The following ATP7A variants were observed in gnomAD, a reference collection of about 807,000 sequenced individuals.
The protein encoded by ATP7A is copper-transporting ATPase 1.
In ATP7A, 7 loss-of-function variants were observed where a neutral mutation model predicts 83.5. That is an observed-to-expected ratio of 0.08 (90% confidence interval 0.05 to 0.16). The LOEUF (loss-of-function observed/expected upper bound fraction) is 0.16. Among genes scored for constraint, ATP7A ranks in the 10% least tolerant of loss-of-function variants. The probability of loss-of-function intolerance (pLI) is 1.00; values close to 1 mark genes in which losing one functional copy is unlikely to be tolerated. For missense variants in ATP7A, 940 were observed against 1,120.8 expected, an observed-to-expected ratio of 0.84 and a Z score of 2.30; for synonymous variants, 354 against 395.2, an observed-to-expected ratio of 0.90 and a Z score of 1.24.
chrX:77,984,035 A>G (rs1231047359), intron 2 of ATP7A, among the ~76,000 whole-genome samples: 3 of 112,091 alleles, frequency 2.7e-5, no homozygotes, highest in African/African-American at 6.5e-5. Flanking sequence ...AATAAAAATA[A>G]CAACATTGGT....
At chrX:78,022,560 C>T (rs1378545560) in intron 14 of ATP7A, among the ~76,000 whole-genome samples, 3 of 108,638 alleles carry the variant, frequency 2.8e-5, no homozygotes, top group East Asian at 5.7e-4. Flanking sequence ...CTCTGTTGCC[C>T]AGGCTGGAGT....
chrX:78,040,815 T>A, intron 19 of ATP7A, 82 bp downstream of exon 19: 1 of 1,081,018 alleles, frequency 9.3e-7, no homozygotes, highest in Non-Finnish European at 1.3e-6. Context: ...AAATTTACAT[T>A]ACCTACTATT....
intron 1 of ATP7A, among the ~76,000 whole-genome samples, chrX:77,946,296 T>C (rs2077378633): frequency 9.9e-6 from 1 of 101,437 alleles, no homozygotes; most frequent in East Asian, 3.0e-4. Flanking sequence ...CGAGACTCTG[T>C]CTCAAAAAAA....
chrX:77,931,970 G>T (rs1397123268), intron 1 of ATP7A, among the ~76,000 whole-genome samples: 2 of 104,130 alleles, frequency 1.9e-5, no homozygotes, highest in African/African-American at 7.1e-5. Context: ...CCTCCCTCCC[G>T]GACGGGGCGG....
chrX:78,011,874 A>T, intron 9 of ATP7A, 200 bp downstream of exon 9: 1 of 473,760 alleles, frequency 2.1e-6, no homozygotes, highest in South Asian at 2.9e-5. Flanking sequence ...GAAAGAGTTC[A>T]AGTTTTTTGG....
chrX:77,917,103 T>C (rs1557222615), intron 1 of ATP7A, among the ~76,000 whole-genome samples: 1 of 111,575 alleles, frequency 9.0e-6, no homozygotes, highest in African/African-American at 3.3e-5. Flanking sequence ...AGTGAAGTAA[T>C]AGAACTTAAA....
At chrX:77,999,714 GC>G (rs782540095) in intron 5 of ATP7A, among the ~76,000 whole-genome samples, 167 of 110,975 alleles carry the variant, frequency 1.5e-3, no homozygotes, top group Non-Finnish European at 2.8e-3. Context: ...GACCAGCCGG[GC>G]CAACATGGTG....
chrX:77,937,908 C>G (rs1271415392), intron 1 of ATP7A, among the ~76,000 whole-genome samples: 1 of 108,108 alleles, frequency 9.3e-6, no homozygotes, highest in Non-Finnish European at 1.9e-5. Context: ...CACACACACA[C>G]ACATACACAC....
chrX:77,989,042 A>G (rs1331383693), intron 3 of ATP7A, among the ~76,000 whole-genome samples, 191 bp from the exon 4 acceptor site: 1 of 111,373 alleles, frequency 9.0e-6, no homozygotes, highest in Non-Finnish European at 1.9e-5. Flanking sequence ...GACCATAGCT[A>G]CAGTGGTCAT....
At chrX:77,938,066 T>TC (rs1286419627) in intron 1 of ATP7A, among the ~76,000 whole-genome samples, 4 of 111,805 alleles carry the variant, frequency 3.6e-5, no homozygotes, top group African/African-American at 1.3e-4. Context: ...TAGTACAATT[T>TC]CATTAAAGAA....
intron 1 of ATP7A, among the ~76,000 whole-genome samples, chrX:77,969,921 CAAAT>C (rs782555560): frequency 5.4e-5 from 6 of 111,886 alleles, no homozygotes; most frequent in South Asian, 3.7e-4. Context: ...TGCAGTGTAA[CAAAT>C]AACCCCAAAA....
At chrX:77,911,760 A>T (rs2077162092) in intron 1 of ATP7A, among the ~76,000 whole-genome samples, 2 of 110,747 alleles carry the variant, frequency 1.8e-5, no homozygotes, top group African/African-American at 6.6e-5. Context: ...CCTGGCCATC[A>T]TGGCGAAACC....
chrX:77,985,211 G>T (rs1413911868), intron 2 of ATP7A, among the ~76,000 whole-genome samples: 2 of 110,845 alleles, frequency 1.8e-5, no homozygotes, highest in Non-Finnish European at 1.9e-5. Context: ...TGGAGACAGG[G>T]TTCCACCATG....
intron 12 of ATP7A, among the ~76,000 whole-genome samples, chrX:78,019,504 G>A (rs1394108732): frequency 9.0e-6 from 1 of 110,737 alleles, no homozygotes; most frequent in East Asian, 2.8e-4. Context: ...GTCTTACCCT[G>A]TCACCCAAGC....
At chrX:77,915,151 CA>C (rs1270130579) in intron 1 of ATP7A, among the ~76,000 whole-genome samples, 1 of 110,903 alleles carries the variant, frequency 9.0e-6, no homozygotes, top group Admixed American at 9.6e-5. Context: ...CCTGTCTCTA[CA>C]AAAAATACAA....
chrX:78,029,574 A>G (rs1284248778), intron 15 of ATP7A, 130 bp downstream of exon 15: 9 of 702,031 alleles, frequency 1.3e-5, no homozygotes, highest in Non-Finnish European at 1.7e-5. Context: ...GACTATCCAG[A>G]GATTTGAGGT....
chrX:78,038,854 A>C lies in ATP7A; in HGVS notation c.3530A>C (p.Gln1177Pro). The C allele has an allele frequency of 8.3e-7, 1 of 1,210,766 alleles. No individual in the cohort carries two copies. Among genetic ancestry groups the C allele is most frequent in the South Asian group, 1.8e-5 (1 of 56,979 alleles). Residue 1177 changes from glutamine (Q) to proline (P), a missense_variant, in exon 18 of 23, where the codon CAG becomes CCG. Physicochemically the swap from Gln to Pro is moderately conservative, Grantham distance 76. This residue lies in a region of ATP7A where 386 missense variants were observed against 502.2 expected (regional missense o/e 0.77). Transcript: ENST00000341514. ...CTTTCAGATGCTCTTAATGCTCAGC[A>C]GTATAAAGTCCTCATTGGTAACCGG... is the stretch of plus-strand genomic sequence containing the variant. ...AQISNALNAQ[Q>P]YKVLIGNREW...
chrX:78,039,126 T>G, intron 18 of ATP7A, 144 bp downstream of exon 18: 1 of 648,384 alleles, frequency 1.5e-6, no homozygotes, highest in Non-Finnish European at 2.3e-6. Flanking sequence ...ACATGATTAT[T>G]ACTGATTAAT....
chrX:78,044,552 AC>A (rs782403367), intron 21 of ATP7A, among the ~76,000 whole-genome samples: 1 of 111,619 alleles, frequency 9.0e-6, no homozygotes, highest in Non-Finnish European at 1.9e-5. Flanking sequence ...TTTTTACTCT[AC>A]ATCAGTTTTT....
Sources: gnomAD v4.1 joint callset for allele counts (sites outside exome capture counted in the v4.1 genomes callset) on GRCh38, gnomAD v4.1.1 for gene constraint, gnomAD v4.1.1 regional missense constraint, MANE v1.5 for transcripts, NCBI Gene and HGNC (gene_info 2026-07-23, HGNC 2026-07-21) for gene names.